The following SPON1 variants were observed in gnomAD, a reference collection of about 807,000 sequenced individuals.
SPON1 encodes spondin-1.
In SPON1, 52 loss-of-function variants were observed where a neutral mutation model predicts 111.7. The ratio of observed to expected loss-of-function variants is 0.47; its 90% CI spans 0.37 to 0.59. The LOEUF (loss-of-function observed/expected upper bound fraction) is 0.59, where lower values mean the gene tolerates loss of function less well. Among genes scored for constraint, SPON1 ranks in the 20% least tolerant of loss-of-function variants. The pLI is 0.00. For missense variants in SPON1, 957 were observed against 1,068.5 expected (o/e 0.90, Z 1.46); for synonymous variants, 410 against 395.8 (o/e 1.04, Z -0.43).
chr11:14,151,874 A>G (rs1847792256), intron 6 of SPON1, among the ~76,000 whole-genome samples: 2 of 152,172 alleles, frequency 1.3e-5, no homozygotes, highest in Non-Finnish European at 2.9e-5. Flanking sequence ...GACACTGTGG[A>G]GCCAATAAGG....
intron 5 of SPON1, among the ~76,000 whole-genome samples, chr11:14,088,260 G>A (rs1438734909): frequency 6.6e-6 from 1 of 152,148 alleles, no homozygotes; most frequent in East Asian, 1.9e-4. Context: ...TTTTGTGGTG[G>A]CTGGTGCCAG....
chr11:14,090,876 A>G (rs1170979323), intron 5 of SPON1, among the ~76,000 whole-genome samples: 1 of 117,334 alleles, frequency 8.5e-6, no homozygotes, highest in Non-Finnish European at 1.6e-5. Context: ...AGAGCCCAGT[A>G]GCCTGTTTTG....
intron 6 of SPON1, among the ~76,000 whole-genome samples, chr11:14,169,262 G>A (rs1367918614): frequency 6.6e-6 from 1 of 152,142 alleles, no homozygotes; most frequent in Non-Finnish European, 1.5e-5. Flanking sequence ...GTCATGATAA[G>A]CATTTTTTCA....
chr11:14,263,317 CAA>C (rs781868912), intron 15 of SPON1, among the ~76,000 whole-genome samples: 27 of 152,156 alleles, frequency 1.8e-4, no homozygotes, highest in Non-Finnish European at 2.9e-4. Flanking sequence ...CAACTTTGCT[CAA>C]AGTCAGTTAT....
intron 6 of SPON1, among the ~76,000 whole-genome samples, chr11:14,149,652 T>C (rs1029708322): frequency 2.6e-5 from 4 of 152,208 alleles, no homozygotes; most frequent in Non-Finnish European, 2.9e-5. Context: ...TACCATTTGT[T>C]ATCTTTTATA....
chr11:14,208,185 G>C (rs1447158191), intron 6 of SPON1, among the ~76,000 whole-genome samples: 3 of 152,100 alleles, frequency 2.0e-5, no homozygotes, highest in Admixed American at 6.5e-5. Flanking sequence ...GGGGAACAAT[G>C]CATGCTGGGG....
chr11:14,113,916 A>G (rs1340480780), intron 5 of SPON1, among the ~76,000 whole-genome samples: 2 of 151,960 alleles, frequency 1.3e-5, no homozygotes, highest in Non-Finnish European at 2.9e-5. Flanking sequence ...ATTTTTATTT[A>G]AATGTTTCTG....
chr11:14,175,465 A>G (rs1313593735), intron 6 of SPON1, among the ~76,000 whole-genome samples: 2 of 152,202 alleles, frequency 1.3e-5, no homozygotes, highest in African/African-American at 4.8e-5. Flanking sequence ...AAGCAGGGTT[A>G]TAGGGGTCCT....
rs138170740 is a variant in SPON1, at chr11:14,006,412, A to G, written c.345+23459A>G. The stretch of plus-strand genomic sequence containing the variant: ...ATCAATATGGAAGAGCTTGGAGAAG[A>G]TAAGAACAGAGGCAGGAAGGCTGGG... On this transcript the variant is annotated intron_variant, in intron 2 of 15. Transcript: ENST00000576479. Among the ~76,000 whole-genome samples, 590 of 152,338 alleles carry G rather than the reference A, an allele frequency of 3.9e-3. 3 individuals carry two copies. Among genetic ancestry groups the G allele is most frequent in the Non-Finnish European group, 5.6e-3 (382 of 68,036 alleles).
chr11:14,021,044 G>A (rs868974382), intron 2 of SPON1, among the ~76,000 whole-genome samples: 2 of 152,172 alleles, frequency 1.3e-5, no homozygotes, highest in Non-Finnish European at 1.5e-5. Context: ...AGAAAGAAAT[G>A]AGGTTACAGA....
chr11:14,243,432 T>TA (rs1554939923), intron 7 of SPON1, 36 bp downstream of exon 7: 1 of 1,545,880 alleles, frequency 6.5e-7, no homozygotes, highest in Non-Finnish European at 8.8e-7. Flanking sequence ...GCCTGTCTTA[T>TA]CCTAGCCCCT....
intron 6 of SPON1, among the ~76,000 whole-genome samples, chr11:14,207,881 C>A (rs1276878495): frequency 6.6e-6 from 1 of 152,170 alleles, no homozygotes; most frequent in Non-Finnish European, 1.5e-5. Context: ...ATAAATCATT[C>A]TATTATAAAG....
intron 5 of SPON1, among the ~76,000 whole-genome samples, chr11:14,103,923 C>T (rs1554924646): frequency 6.6e-6 from 1 of 151,882 alleles, no homozygotes; most frequent in African/African-American, 2.4e-5. Flanking sequence ...ATTAATTTCC[C>T]TTTGATTTTT....
chr11:14,006,285 A>T (rs1431710321), intron 2 of SPON1, among the ~76,000 whole-genome samples: 1 of 152,140 alleles, frequency 6.6e-6, no homozygotes, highest in Non-Finnish European at 1.5e-5. Flanking sequence ...GCTAGCAGAA[A>T]TTGTTTTTTG....
At chr11:14,026,527 T>C (rs10832162) in intron 2 of SPON1, among the ~76,000 whole-genome samples, 45,551 of 152,070 alleles carry the variant, frequency 0.3, 7,900 homozygotes, top group South Asian at 0.51. Flanking sequence ...CTTGTTTAAG[T>C]CTCTTCTGAA....
intron 3 of SPON1, among the ~76,000 whole-genome samples, chr11:14,046,546 T>C (rs782088951): frequency 6.6e-6 from 1 of 152,236 alleles, no homozygotes; most frequent in South Asian, 2.1e-4. Context: ...TGCAAAATTT[T>C]TATACAGGTC....
chr11:14,138,075 T>G (rs1444219293), intron 6 of SPON1, among the ~76,000 whole-genome samples: 2 of 152,218 alleles, frequency 1.3e-5, no homozygotes, highest in African/African-American at 4.8e-5. Context: ...TGAAAACATC[T>G]GCAAACTAAC....
At chr11:14,111,255 A>G (rs1849224647) in intron 5 of SPON1, among the ~76,000 whole-genome samples, 2 of 152,206 alleles carry the variant, frequency 1.3e-5, no homozygotes, top group African/African-American at 4.8e-5. Flanking sequence ...AACTCTCTAT[A>G]TGATGAACAC....
chr11:13,987,718 T>C (rs1193869164), intron 2 of SPON1, among the ~76,000 whole-genome samples: 1 of 152,228 alleles, frequency 6.6e-6, no homozygotes, highest in Admixed American at 6.5e-5. Flanking sequence ...CACCTTGAGC[T>C]GATTTTTGTA....
Sources: allele counts gnomAD v4.1 joint callset (sites outside exome capture counted in the v4.1 genomes callset), GRCh38; gene constraint gnomAD v4.1.1; transcripts MANE v1.5; gene names NCBI Gene and HGNC (gene_info 2026-07-23, HGNC 2026-07-21).